DNAH17: variants seen among roughly 807,000 people sequenced by gnomAD.
DNAH17 encodes the protein dynein axonemal heavy chain 17, also known as axonemal beta dynein heavy chain 17.
A neutral mutation model predicts 485.6 loss-of-function variants in DNAH17; 376 were observed. The observed-to-expected ratio is 0.77, with a 90% confidence interval of 0.71 to 0.84. The LOEUF is 0.84. Ranked by LOEUF, DNAH17 falls within the 40% of genes least tolerant of loss-of-function variation. The pLI is 0.00. For synonymous variants in DNAH17, 3,031 were observed against 2,405.9 expected (o/e 1.26, Z -7.60); for missense variants, 6,370 against 5,839.3 (o/e 1.09, Z -2.96).
chr17:78,433,851 G>A (rs1167120539), intron 75 of DNAH17, among the ~76,000 whole-genome samples, 178 bp downstream of exon 75: 1 of 150,138 alleles, frequency 6.7e-6, no homozygotes, highest in East Asian at 2.0e-4. Context: ...TGCCTTTCAA[G>A]TTCTCTTTGG....
intron 15 of DNAH17, among the ~76,000 whole-genome samples, chr17:78,552,483 G>A (rs1037344778): frequency 2.0e-5 from 3 of 151,382 alleles, no homozygotes; most frequent in Admixed American, 1.3e-4. Flanking sequence ...AGTCTTTGCC[G>A]GATTCCGTTT....
In DNAH17 at chr17:78,560,833, C is replaced by T. The variant is rs566048577; in HGVS notation, c.1938G>A (p.Ala646=). The T allele has an allele frequency of 1.1e-4, 170 of 1,551,808 alleles. No homozygotes were observed. In the East Asian group the frequency reaches 2.9e-3, roughly 26 times the overall value. ...HREKIYQQWV[A]GVDQDCHFNL... ...TAAAGTGGCAGTCCTGGTCCACGCC[C>T]GCCACCCACTGCTGGTAGATCTTCT... The change falls in exon 13 of 81, where the codon GCG becomes GCA. Residue 646 remains alanine (A), a synonymous_variant. Coordinates refer to ENST00000389840, the MANE Select transcript of DNAH17 (RefSeq NM_173628.4).
intron 75 of DNAH17, among the ~76,000 whole-genome samples, chr17:78,431,714 G>A (rs1301390763): frequency 6.6e-6 from 1 of 152,090 alleles, no homozygotes; most frequent in Non-Finnish European, 1.5e-5. Flanking sequence ...TGGAGGGGGA[G>A]GGAGGCCTGA....
chr17:78,444,094 C>T (rs934058811), intron 71 of DNAH17, among the ~76,000 whole-genome samples: 3 of 152,222 alleles, frequency 2.0e-5, no homozygotes, highest in East Asian at 1.9e-4. Context: ...ACTAATATAC[C>T]TCGATTGACT....
At position 78,529,486 on chromosome 17, in the gene DNAH17, G is replaced by C. The variant is rs763500996; in HGVS notation, c.3493C>G (p.His1165Asp). ...CCACCACGTACCTGCAGCTTCAAGT[G>C]GATCTCCTCTGGCATCTCCTCCCCG... ...TYGEEMPEEIHLKLQELPEHW... is the reference protein window; with the variant it reads ...TYGEEMPEEIDLKLQELPEHW... Residue 1165 changes from histidine (H) to aspartate (D), a missense_variant, in exon 22 of 81, where the codon CAC becomes GAC. Transcript: ENST00000389840. The C allele has an allele frequency of 6.2e-7, 1 of 1,613,900 alleles. No individual in the cohort carries two copies. Among genetic ancestry groups the C allele is most frequent in the East Asian group, 2.2e-5 (1 of 44,856 alleles).
chr17:78,482,066 GT>G (rs2089371445), intron 48 of DNAH17, among the ~76,000 whole-genome samples: 2 of 130,794 alleles, frequency 1.5e-5, no homozygotes, highest in South Asian at 2.7e-4. Context: ...CACTACACTA[GT>G]TACTTTTTTT....
chr17:78,428,963 C>G (rs898424623), intron 76 of DNAH17, among the ~76,000 whole-genome samples, 158 bp downstream of exon 76: 1 of 149,568 alleles, frequency 6.7e-6, no homozygotes, highest in African/African-American at 2.5e-5. Context: ...TTGTATTAGC[C>G]TTGTGCTTCT....
At chr17:78,450,576 G>A in intron 67 of DNAH17, 106 bp downstream of exon 67, 3 of 1,460,536 alleles carry the variant, frequency 2.1e-6, no homozygotes, top group Non-Finnish European at 2.8e-6. Flanking sequence ...GGGCACGTAT[G>A]ACCGAAGCTG....
At chr17:78,453,809 T>A (rs2146504102) in intron 64 of DNAH17, among the ~76,000 whole-genome samples, 1 of 152,316 alleles carries the variant, frequency 6.6e-6, no homozygotes, top group South Asian at 2.1e-4. Context: ...CATCGCAGCC[T>A]CCTGAGTAGC....
chr17:78,458,977 G>A, intron 61 of DNAH17, 24 bp downstream of exon 61: 1 of 1,612,536 alleles, frequency 6.2e-7, no homozygotes, highest in Non-Finnish European at 8.5e-7. Context: ...TGTTTCGCAG[G>A]GACGGGAGCG....
intron 54 of DNAH17, among the ~76,000 whole-genome samples, chr17:78,474,237 C>T (rs1321130799): frequency 6.6e-6 from 1 of 152,236 alleles, no homozygotes; most frequent in Admixed American, 6.5e-5. Flanking sequence ...TTAGGTTCCC[C>T]CTTGGGTCTG....
intron 14 of DNAH17, among the ~76,000 whole-genome samples, chr17:78,557,857 G>A (rs951987978): frequency 8.6e-5 from 13 of 151,874 alleles, no homozygotes; most frequent in Non-Finnish European, 1.9e-4. Flanking sequence ...AACAAATGCT[G>A]GTGTAAGATC....
At position 78,507,557 on chromosome 17, in the gene DNAH17, G is replaced by A. The variant is rs2090522178; in HGVS notation, c.4485C>T (p.Thr1495=). The A allele has an allele frequency of 6.2e-7, 1 of 1,614,070 alleles. No individual in the cohort carries two copies. Residue 1495 remains threonine (T), a synonymous_variant, in exon 28 of 81, where the codon ACC becomes ACT. Coordinates refer to ENST00000389840, the MANE Select transcript of DNAH17 (RefSeq NM_173628.4). ...TGAAGATGCTCTCCAGGTGGCTCCA[G>A]GTTCGCTGGACCTCAAACCAGATGG... ...VISIWFEVQR[T]WSHLESIFIG...
chr17:78,550,916 G>C (rs951424250), intron 16 of DNAH17, among the ~76,000 whole-genome samples: 1 of 152,136 alleles, frequency 6.6e-6, no homozygotes, highest in African/African-American at 2.4e-5. Context: ...AATTATTCCC[G>C]TCAATTGAAA....
chr17:78,512,241 C>G (rs903062264), intron 26 of DNAH17, among the ~76,000 whole-genome samples: 5 of 152,234 alleles, frequency 3.3e-5, no homozygotes, highest in Middle Eastern at 3.2e-3. Flanking sequence ...CCATGCTGCC[C>G]TTGGTCCTTG....
chr17:78,463,009 C>G lies in DNAH17; in HGVS notation c.9009G>C (p.Arg3003Ser). ...AGCGCCTCTCAGTAGCCAGGTATAC[C>G]CTGGACATCTCGTTGACGGTGGTGT... ...YVHTTVNEMS[R>S]VYLATERRYN... Residue 3003 changes from arginine (R) to serine (S), a missense_variant, in exon 57 of 81, where the codon AGG becomes AGC. Arg to Ser is a moderately radical substitution (Grantham distance 110). Coordinates refer to ENST00000389840, the MANE Select transcript of DNAH17 (RefSeq NM_173628.4). 1.2e-6 allele frequency: 2 copies of G among 1,613,910 alleles called. No individual in the cohort carries two copies. The highest frequency in any genetic ancestry group is 1.7e-6 in the Non-Finnish European group (2 of 1,179,888).
chr17:78,536,716 T>C (rs2091383762), intron 19 of DNAH17, among the ~76,000 whole-genome samples: 1 of 151,368 alleles, frequency 6.6e-6, no homozygotes, highest in African/African-American at 2.4e-5. Context: ...AGTCAGGAAG[T>C]TGGGAAAGGT....
chr17:78,486,184 G>A lies in DNAH17; in HGVS notation c.7101+40C>T, dbSNP rs779110978. 20 of 1,594,990 alleles carry A rather than the reference G, an allele frequency of 1.3e-5. No individual in the cohort carries two copies. In the East Asian group the frequency reaches 4.2e-4, roughly 34 times the overall value. ...AGGGCCCAGCTAAGCAGGATGCTGA[G>A]AGACCCTGTGTGGGTGGCCGGGCCC... On this transcript the variant is annotated intron_variant, in intron 45 of 80. Transcript: ENST00000389840.
chr17:78,529,465 C>T lies in DNAH17; in HGVS notation c.3507+7G>A, dbSNP rs984080847. On this transcript the variant is annotated splice_region_variant and intron_variant, in intron 22 of 80. Transcript: ENST00000389840. ...CCTGGACGCAGCCACACCCACCCAC[C>T]ACGTACCTGCAGCTTCAAGTGGATC... The T allele has an allele frequency of 1.2e-6, 2 of 1,613,704 alleles. No individual in the cohort carries two copies. Among genetic ancestry groups the T allele is most frequent in the Non-Finnish European group, 8.5e-7 (1 of 1,179,684 alleles).
Sources: allele counts gnomAD v4.1 joint callset (sites outside exome capture counted in the v4.1 genomes callset), GRCh38; gene constraint gnomAD v4.1.1; transcripts MANE v1.5; gene names NCBI Gene and HGNC (gene_info 2026-07-23, HGNC 2026-07-21).